WDR72: variants seen among roughly 807,000 people sequenced by gnomAD.
The protein encoded by WDR72 is WD repeat-containing protein 72.
WDR72 carries 120 observed loss-of-function variants against 124.2 expected under a neutral mutation model. The ratio of observed to expected loss-of-function variants is 0.97; its 90% CI spans 0.83 to 1.12. The LOEUF is 1.12. WDR72 is among the 50% of genes most tolerant of loss of function. The probability of loss-of-function intolerance (pLI) is 0.00; values close to 1 mark genes in which losing one functional copy is unlikely to be tolerated. For missense variants in WDR72, 1,387 were observed against 1,278.8 expected (o/e 1.08, Z -1.29); for synonymous variants, 452 against 441.7 (o/e 1.02, Z -0.29).
At chr15:53,652,792 A>G (rs1359495225) in intron 14 of WDR72, among the ~76,000 whole-genome samples, 2 of 152,168 alleles carry the variant, frequency 1.3e-5, no homozygotes, top group Admixed American at 6.5e-5. Context: ...TTTTAACCAC[A>G]TTGCCTCTTA....
At chr15:53,555,343 C>T (rs146106326) in intron 18 of WDR72, among the ~76,000 whole-genome samples, 2 of 151,252 alleles carry the variant, frequency 1.3e-5, no homozygotes, top group African/African-American at 4.9e-5. Context: ...CAGAGGCAGA[C>T]ACAAAGGAAA....
At chr15:53,634,618 C>G (rs1024614980) in intron 14 of WDR72, among the ~76,000 whole-genome samples, 1 of 152,208 alleles carries the variant, frequency 6.6e-6, no homozygotes, top group Non-Finnish European at 1.5e-5. Flanking sequence ...CTTGATCTAA[C>G]CAAAGGACTA....
intron 13 of WDR72, among the ~76,000 whole-genome samples, chr15:53,695,560 G>T (rs1374691883): frequency 6.6e-6 from 1 of 152,078 alleles, no homozygotes; most frequent in Non-Finnish European, 1.5e-5. Context: ...GGGACATCCG[G>T]CAAATCAATA....
chr15:53,668,596 A>G (rs2015858259), intron 13 of WDR72, among the ~76,000 whole-genome samples: 1 of 152,118 alleles, frequency 6.6e-6, no homozygotes, highest in Non-Finnish European at 1.5e-5. Flanking sequence ...GGAAACACCT[A>G]GTAGAAGAAA....
At chr15:53,552,327 G>C (rs937124512) in intron 18 of WDR72, among the ~76,000 whole-genome samples, 3 of 152,070 alleles carry the variant, frequency 2.0e-5, no homozygotes, top group Non-Finnish European at 2.9e-5. Flanking sequence ...TTGTTTACTA[G>C]CTTGTCAAAA....
chr15:53,746,488 C>T (rs944726790), intron 1 of WDR72, among the ~76,000 whole-genome samples: 2 of 152,120 alleles, frequency 1.3e-5, no homozygotes, highest in African/African-American at 4.8e-5. Context: ...AGAATAAACA[C>T]TAAGAGGAAA....
At chr15:53,699,701 T>C in intron 13 of WDR72, 49 bp downstream of exon 13, 1 of 1,590,974 alleles carries the variant, frequency 6.3e-7, no homozygotes, top group Non-Finnish European at 8.6e-7. Context: ...GTCAAATGCT[T>C]GTACATCATA....
Position 53,523,330 on chromosome 15 carries a change from A to AAGAGAG in WDR72, c.3149-14_3149-9dup, listed in dbSNP as rs57737580. 0.03 allele frequency: 47,560 copies of AAGAGAG among 1,573,496 alleles called. 274 individuals are homozygous for AAGAGAG. Among genetic ancestry groups the AAGAGAG allele is most frequent in the African/African-American group, 0.087 (6,371 of 73,610 alleles). ...TGACCGGGCTGACTGGAGCTATTAA[A>AAGAGAG]AGAGAGAGAGAGAGAGAGAGAGACA... On this transcript the variant is annotated splice_polypyrimidine_tract_variant and intron_variant, in intron 18 of 19. Coordinates refer to ENST00000360509, the MANE Select transcript of WDR72 (RefSeq NM_182758.4).
chr15:53,587,626 T>G (rs1415249406), intron 18 of WDR72, among the ~76,000 whole-genome samples: 1 of 152,076 alleles, frequency 6.6e-6, no homozygotes, highest in East Asian at 1.9e-4. Context: ...TTACAAAATA[T>G]TGGCTAGGAT....
intron 13 of WDR72, among the ~76,000 whole-genome samples, chr15:53,680,429 G>T (rs1361691165): frequency 6.6e-6 from 1 of 152,194 alleles, no homozygotes; most frequent in Non-Finnish European, 1.5e-5. Context: ...TATCATGGTT[G>T]TAAGATATGG....
At chr15:53,760,597 GT>G (rs2019043846), upstream of WDR72, among the ~76,000 whole-genome samples, 1 of 152,130 alleles carries the variant, frequency 6.6e-6, no homozygotes, top group Non-Finnish European at 1.5e-5. Context: ...GACAACTTAG[GT>G]TGATTCAAAA....
intron 13 of WDR72, among the ~76,000 whole-genome samples, chr15:53,693,202 T>C (rs147628985): frequency 2.7e-4 from 41 of 152,338 alleles, no homozygotes; most frequent in African/African-American, 9.4e-4. Flanking sequence ...GTGTAATTTT[T>C]AATGTTATTT....
At position 53,523,333 on chromosome 15, in the gene WDR72, A is replaced by C. The variant is rs1307130890; in HGVS notation, c.3149-11T>G. 2 of 1,378,580 alleles carry C rather than the reference A, an allele frequency of 1.5e-6. No individual in the cohort carries two copies. Among genetic ancestry groups the C allele is most frequent in the East Asian group, 6.2e-5 (2 of 32,206 alleles). 85.4% of individuals were successfully genotyped at this position (1,378,580 alleles called of 1,614,324 possible). ...CCGGGCTGACTGGAGCTATTAAAAG[A>C]GAGAGAGAGAGAGAGAGAGACAGAA... On this transcript the variant is annotated splice_polypyrimidine_tract_variant and intron_variant, in intron 18 of 19. Coordinates refer to ENST00000360509, the MANE Select transcript of WDR72 (RefSeq NM_182758.4).
rs138602227 is a variant in WDR72 at position 53,621,148 on chromosome 15, T to C, written c.1963-4905A>G. Among the ~76,000 whole-genome samples the C allele has an allele frequency of 1.4e-3, 219 of 151,752 alleles. 2 individuals carry two copies. Among genetic ancestry groups the C allele is most frequent in the East Asian group, 4.1e-3 (21 of 5,148 alleles). ...GGCCATAATAAAAAAATAATAGATG[T>C]TGGCTTGGATGTGGTAAACAGGGAG... On this transcript the variant is annotated intron_variant, in intron 14 of 19. Transcript: ENST00000360509.
intron 14 of WDR72, among the ~76,000 whole-genome samples, chr15:53,658,179 T>C (rs2015492327): frequency 6.6e-6 from 1 of 152,110 alleles, no homozygotes; most frequent in East Asian, 1.9e-4. Context: ...GGGAAAGCAA[T>C]AGTCAGCTAA....
chr15:53,589,020 C>T (rs540192965), intron 18 of WDR72, among the ~76,000 whole-genome samples: 2 of 151,874 alleles, frequency 1.3e-5, no homozygotes, highest in East Asian at 1.9e-4. Context: ...TTTGAGGCAG[C>T]GGCTCCTTAG....
At chr15:53,587,338 G>T (rs566787378) in intron 18 of WDR72, among the ~76,000 whole-genome samples, 1 of 151,964 alleles carries the variant, frequency 6.6e-6, no homozygotes, top group Non-Finnish European at 1.5e-5. Flanking sequence ...TGCTACTATT[G>T]TCCAGTGTCA....
intron 18 of WDR72, among the ~76,000 whole-genome samples, chr15:53,550,231 G>C (rs1421937066): frequency 6.6e-6 from 1 of 152,182 alleles, no homozygotes; most frequent in Admixed American, 6.5e-5. Flanking sequence ...TTTTAGACTT[G>C]TGGGCCATAT....
intron 18 of WDR72, among the ~76,000 whole-genome samples, chr15:53,594,628 A>T (rs765816907): frequency 1.8e-4 from 7 of 38,996 alleles, no homozygotes; most frequent in South Asian, 5.6e-4. Context: ...AATAAAAATT[A>T]AAAAAAAAAA....
Sources: allele counts gnomAD v4.1 joint callset (sites outside exome capture counted in the v4.1 genomes callset), GRCh38; gene constraint gnomAD v4.1.1; transcripts MANE v1.5; gene names NCBI Gene and HGNC (gene_info 2026-07-23, HGNC 2026-07-21).